LRMDA: variants seen among roughly 807,000 people sequenced by gnomAD.
LRMDA encodes leucine-rich melanocyte differentiation-associated protein.
A neutral mutation model predicts 29.8 loss-of-function variants in LRMDA; 18 were observed. The observed-to-expected ratio is 0.60, with a 90% CI of 0.42 to 0.90. The LOEUF (loss-of-function observed/expected upper bound fraction) is 0.90. LRMDA is among the 40% of genes least tolerant of loss of function. The pLI, the probability that LRMDA is intolerant of heterozygous loss-of-function variation, is 0.00. For synonymous variants in LRMDA, 125 were observed against 109.4 expected (o/e 1.14, Z -0.89); for missense variants, 273 against 273.9 (o/e 1.00, Z 0.02).
intron 6 of LRMDA, among the ~76,000 whole-genome samples, chr10:76,466,673 G>A (rs1183561830): frequency 6.6e-6 from 1 of 152,120 alleles, no homozygotes; most frequent in Admixed American, 6.5e-5. Flanking sequence ...GTGTGTGCCT[G>A]TAGTCCCAGC....
At chr10:75,964,085 GA>G (rs1431398603) in intron 2 of LRMDA, among the ~76,000 whole-genome samples, 1 of 152,104 alleles carries the variant, frequency 6.6e-6, no homozygotes, top group East Asian at 1.9e-4. Context: ...TTCATATTAT[GA>G]AATTTCGAGC....
At chr10:76,458,362 A>AT (rs921476608) in intron 6 of LRMDA, among the ~76,000 whole-genome samples, 27 of 152,196 alleles carry the variant, frequency 1.8e-4, no homozygotes, top group African/African-American at 6.3e-4. Flanking sequence ...ATGTGCTGTT[A>AT]TTTTTTAGTT....
intron 5 of LRMDA, among the ~76,000 whole-genome samples, chr10:76,060,816 C>G (rs994633174): frequency 1.3e-5 from 2 of 152,150 alleles, no homozygotes; most frequent in African/African-American, 4.8e-5. Context: ...AGCAGAAATG[C>G]CCTTTAGGGT....
intron 2 of LRMDA, among the ~76,000 whole-genome samples, chr10:75,557,889 T>A (rs944414517): frequency 3.9e-5 from 6 of 152,138 alleles, no homozygotes; most frequent in African/African-American, 1.4e-4. Flanking sequence ...GACCAAGGTG[T>A]TTTGATGTGT....
chr10:75,942,644 A>G (rs1846411111), intron 2 of LRMDA, among the ~76,000 whole-genome samples: 1 of 152,148 alleles, frequency 6.6e-6, no homozygotes, highest in African/African-American at 2.4e-5. Flanking sequence ...GGTGAACCCC[A>G]TTAGTTTTGC....
chr10:76,494,955 C>T (rs983185954), intron 6 of LRMDA, among the ~76,000 whole-genome samples: 56 of 151,706 alleles, frequency 3.7e-4, no homozygotes, highest in Non-Finnish European at 7.4e-4. Context: ...GTCTTTGTAT[C>T]TTTCTTAACA....
chr10:75,687,701 A>G (rs1330879828), intron 2 of LRMDA, among the ~76,000 whole-genome samples: 4 of 152,228 alleles, frequency 2.6e-5, no homozygotes, highest in Non-Finnish European at 5.9e-5. Context: ...ACAGCCTTCT[A>G]TTGGAAGAAG....
intron 2 of LRMDA, among the ~76,000 whole-genome samples, chr10:75,826,420 T>C (rs1028769867): frequency 1.3e-5 from 2 of 151,846 alleles, no homozygotes; most frequent in African/African-American, 4.9e-5. Flanking sequence ...TTGGGTAGAG[T>C]AATGAAAAAT....
intron 2 of LRMDA, among the ~76,000 whole-genome samples, chr10:75,445,297 GT>G (rs112715405): frequency 0.01 from 1,522 of 147,788 alleles, 25 homozygotes; most frequent in African/African-American, 0.035. Context: ...CATTTAGTTT[GT>G]TTTTTTTTTC....
intron 5 of LRMDA, among the ~76,000 whole-genome samples, chr10:76,260,237 C>T (rs1474360326): frequency 6.6e-6 from 1 of 151,794 alleles, no homozygotes; most frequent in Non-Finnish European, 1.5e-5. Flanking sequence ...TGTGTATTGC[C>T]TTGCTTCTTT....
At chr10:75,441,028 A>ACT (rs57023794) in intron 2 of LRMDA, among the ~76,000 whole-genome samples, 15,731 of 151,894 alleles carry the variant, frequency 0.1, 2,365 homozygotes, top group African/African-American at 0.33. Context: ...CAAGGGTGAA[A>ACT]CTGTCTCAAA....
At chr10:75,600,517 A>G (rs1162636126) in intron 2 of LRMDA, among the ~76,000 whole-genome samples, 2 of 152,200 alleles carry the variant, frequency 1.3e-5, no homozygotes, top group Non-Finnish European at 2.9e-5. Context: ...TGACTGTGAG[A>G]GATGTGGTGC....
intron 5 of LRMDA, among the ~76,000 whole-genome samples, chr10:76,064,568 A>G (rs1052602619): frequency 6.6e-6 from 1 of 152,202 alleles, no homozygotes; most frequent in Non-Finnish European, 1.5e-5. Context: ...TTTTATGCCT[A>G]GTGTAGCACT....
chr10:75,967,056 G>C (rs1411822246), intron 2 of LRMDA, among the ~76,000 whole-genome samples: 1 of 152,210 alleles, frequency 6.6e-6, no homozygotes, highest in East Asian at 1.9e-4. Flanking sequence ...GCTCCCTTTA[G>C]ACTGGGGTAG....
At chr10:75,893,795 G>A (rs538846561) in intron 2 of LRMDA, among the ~76,000 whole-genome samples, 3 of 152,118 alleles carry the variant, frequency 2.0e-5, no homozygotes, top group African/African-American at 4.8e-5. Context: ...TTAGCTGGGC[G>A]TGGTGGCATG....
chr10:76,335,047 C>T (rs537214214), intron 6 of LRMDA, among the ~76,000 whole-genome samples: 73 of 152,214 alleles, frequency 4.8e-4, no homozygotes, highest in Non-Finnish European at 9.0e-4. Context: ...ACTTTCCCTG[C>T]GTGAGTTCCA....
intron 2 of LRMDA, among the ~76,000 whole-genome samples, chr10:75,691,209 C>T (rs10824334): frequency 4.4e-5 from 6 of 136,102 alleles, no homozygotes; most frequent in East Asian, 4.4e-4. Flanking sequence ...CACACACACA[C>T]ATATATATAT....
chr10:76,370,549 T>C (rs991392782), intron 6 of LRMDA, among the ~76,000 whole-genome samples: 2 of 152,198 alleles, frequency 1.3e-5, no homozygotes, highest in Non-Finnish European at 2.9e-5. Context: ...GCATTTTTGC[T>C]TTCCACAGTT....
At chr10:75,898,130 C>T (rs1845614584) in intron 2 of LRMDA, among the ~76,000 whole-genome samples, 1 of 152,064 alleles carries the variant, frequency 6.6e-6, no homozygotes, top group Admixed American at 6.5e-5. Flanking sequence ...GGCCTTCCTA[C>T]TACTTTTTAA....
Sources: gnomAD v4.1 joint callset for allele counts (sites outside exome capture counted in the v4.1 genomes callset) on GRCh38, gnomAD v4.1.1 for gene constraint, MANE v1.5 for transcripts, NCBI Gene and HGNC (gene_info 2026-07-23, HGNC 2026-07-21) for gene names.